Variants in AGPS observed in about 807,000 individuals in gnomAD.
The protein encoded by AGPS is alkylglycerone phosphate synthase.
Under a neutral mutation model 90.7 loss-of-function variants are expected in AGPS, and 26 were observed. That is an observed-to-expected ratio of 0.29 (90% CI 0.21 to 0.40). The LOEUF is 0.40. AGPS is among the 10% of genes least tolerant of loss of function. The pLI, the probability that AGPS is intolerant of heterozygous loss-of-function variation, is 1.00. For synonymous variants in AGPS, 294 were observed against 285.3 expected (o/e 1.03, Z -0.31); for missense variants, 540 against 816.1 (o/e 0.66, Z 4.12).
chr2:177,431,368 G>C (rs578140362), intron 2 of AGPS, among the ~76,000 whole-genome samples: 3 of 152,198 alleles, frequency 2.0e-5, no homozygotes, highest in Admixed American at 2.0e-4. Flanking sequence ...AATGACTGAT[G>C]AGGGTCTGTG....
chr2:177,533,098 A>C (rs915321058), intron 19 of AGPS, among the ~76,000 whole-genome samples: 1 of 152,168 alleles, frequency 6.6e-6, no homozygotes, highest in Non-Finnish European at 1.5e-5. Flanking sequence ...CCTTTCCAAC[A>C]CTGAATCTTT....
chr2:177,468,494 G>A lies in AGPS; in HGVS notation c.1075G>A (p.Asp359Asn). The change falls in exon 10 of 20, where the codon GAT (aspartate) becomes AAT (asparagine). Residue 359 changes from aspartate to asparagine, a missense_variant. This residue lies in a region of AGPS where 405 missense variants were observed against 692.1 expected (regional missense o/e 0.59). Coordinates refer to ENST00000264167, the MANE Select transcript of AGPS (RefSeq NM_003659.4). ...CQGPRMSTGPDIHHFIMGSEG... is the reference protein window; with the variant it reads ...CQGPRMSTGPNIHHFIMGSEG... ...AGGACCTCGTATGTCAACAGGCCCT[G>A]ATATCCATCACTTCATCATGGGATC... 6.2e-7 allele frequency: 1 copy of A among 1,612,240 alleles called. No individual in the cohort carries two copies. The highest frequency in any genetic ancestry group is 8.5e-7 in the Non-Finnish European group (1 of 1,178,810).
chr2:177,433,429 A>G (rs1277288108), intron 2 of AGPS, among the ~76,000 whole-genome samples: 1 of 152,132 alleles, frequency 6.6e-6, no homozygotes, highest in Non-Finnish European at 1.5e-5. Context: ...TTTTTCTAAT[A>G]TTCACCAGGA....
rs548373843 is a variant in AGPS at position 177,512,193 on chromosome 2, T to G, written c.1608-1626T>G. Among the ~76,000 whole-genome samples, 5 of 152,062 alleles carry G rather than the reference T, an allele frequency of 3.3e-5. No homozygotes were observed. The South Asian group carries it at 1.0e-3, about 31-fold the overall frequency. On this transcript the variant is annotated intron_variant, in intron 16 of 19. Coordinates refer to ENST00000264167, the MANE Select transcript of AGPS (RefSeq NM_003659.4). ...TAGATTTTATTTATATTTAAATATTTGTTTTATAAGGTATATATTCAAAAT... is the reference window on the plus strand; with the variant it reads ...TAGATTTTATTTATATTTAAATATTGGTTTTATAAGGTATATATTCAAAAT...
chr2:177,456,476 G>A (rs1374378021), intron 8 of AGPS, among the ~76,000 whole-genome samples: 1 of 152,006 alleles, frequency 6.6e-6, no homozygotes, highest in African/African-American at 2.4e-5. Context: ...AAACTTTTTG[G>A]CAAGAAAAAA....
At chr2:177,529,622 G>A (rs1353376852) in intron 19 of AGPS, among the ~76,000 whole-genome samples, 1 of 152,218 alleles carries the variant, frequency 6.6e-6, no homozygotes, top group Non-Finnish European at 1.5e-5. Flanking sequence ...CATATTAGCA[G>A]AGTGAGTTAG....
chr2:177,503,200 G>A (rs1688611041), intron 14 of AGPS, among the ~76,000 whole-genome samples: 1 of 152,060 alleles, frequency 6.6e-6, no homozygotes, highest in East Asian at 1.9e-4. Flanking sequence ...ACAGAACATA[G>A]TAGCCACATA....
rs146226744 is a variant in AGPS at position 177,444,967 on chromosome 2, T to A, written c.790-579T>A. Among the ~76,000 whole-genome samples the A allele has an allele frequency of 3.0e-3, 463 of 152,316 alleles. 2 individuals carry two copies. Among genetic ancestry groups the A allele is most frequent in the African/African-American group, 0.011 (440 of 41,558 alleles). On this transcript the variant is annotated intron_variant, in intron 7 of 19. Coordinates refer to ENST00000264167, the MANE Select transcript of AGPS (RefSeq NM_003659.4). Reference sequence around the variant, plus strand: ...GAGCCCGAGGCAGGGATTTGCTTTGTTTTGTACATGGGGTCTCTGGCCCTG... The same window carrying A: ...GAGCCCGAGGCAGGGATTTGCTTTGATTTGTACATGGGGTCTCTGGCCCTG...
At position 177,482,040 on chromosome 2, in the gene AGPS, T is replaced by TC. The variant is rs1559066333; in HGVS notation, c.1106-14dup. 4 of 1,587,442 alleles carry TC rather than the reference T, an allele frequency of 2.5e-6. No individual in the cohort carries two copies. Among genetic ancestry groups the TC allele is most frequent in the East Asian group, 4.6e-5 (2 of 43,278 alleles). On this transcript the variant is annotated intron_variant, in intron 10 of 19. Coordinates refer to ENST00000264167, the MANE Select transcript of AGPS (RefSeq NM_003659.4). ...ATTGTCATGTGATGTACTGGATTAT[T>TC]CCCCCTTCTTTTTTTCAGGAACTCT... is the stretch of plus-strand genomic sequence containing the variant.
At chr2:177,399,232 C>T (rs1041886391) in intron 1 of AGPS, among the ~76,000 whole-genome samples, 1 of 152,154 alleles carries the variant, frequency 6.6e-6, no homozygotes, top group Non-Finnish European at 1.5e-5. Context: ...AATATTACTC[C>T]GTTTGATTTT....
chr2:177,523,694 A>G, intron 18 of AGPS, 54 bp from the exon 19 acceptor site: 1 of 1,511,822 alleles, frequency 6.6e-7, no homozygotes, highest in Non-Finnish European at 9.2e-7. Context: ...TTTTTCTTTC[A>G]CTGCAAAATG....
chr2:177,474,361 A>C (rs2105683743), intron 10 of AGPS, among the ~76,000 whole-genome samples: 1 of 152,348 alleles, frequency 6.6e-6, no homozygotes, highest in Admixed American at 6.5e-5. Flanking sequence ...GGAAGTTATT[A>C]AAAGAAAGCT....
At chr2:177,471,499 G>A (rs1281135353) in intron 10 of AGPS, among the ~76,000 whole-genome samples, 1 of 152,002 alleles carries the variant, frequency 6.6e-6, no homozygotes, top group Admixed American at 6.6e-5. Flanking sequence ...TCAAGCATTT[G>A]AAATGCTTTC....
intron 8 of AGPS, among the ~76,000 whole-genome samples, chr2:177,461,343 G>A (rs368984101): frequency 2.0e-5 from 3 of 152,206 alleles, no homozygotes; most frequent in African/African-American, 7.2e-5. Flanking sequence ...AATAAATGAC[G>A]TTATTACATG....
intron 10 of AGPS, among the ~76,000 whole-genome samples, chr2:177,479,470 A>G (rs1687880468): frequency 6.6e-6 from 1 of 152,232 alleles, no homozygotes; most frequent in Non-Finnish European, 1.5e-5. Context: ...AAAATTGTAC[A>G]TGTATGTTAA....
At chr2:177,398,555 A>G (rs1417965498) in intron 1 of AGPS, among the ~76,000 whole-genome samples, 3 of 152,198 alleles carry the variant, frequency 2.0e-5, no homozygotes, top group Non-Finnish European at 4.4e-5. Context: ...TCTATGCTGG[A>G]TTACCACATC....
intron 14 of AGPS, among the ~76,000 whole-genome samples, chr2:177,500,563 C>A (rs1688534193): frequency 6.6e-6 from 1 of 151,468 alleles, no homozygotes; most frequent in South Asian, 2.1e-4. Context: ...TATTTTTTTT[C>A]ATATCTAATA....
intron 17 of AGPS, among the ~76,000 whole-genome samples, chr2:177,515,546 G>A (rs1016501315): frequency 4.7e-5 from 7 of 148,674 alleles, no homozygotes; most frequent in Non-Finnish European, 8.9e-5. Context: ...TGAAACTATC[G>A]TGATAAACCA....
chr2:177,506,034 C>T (rs1454553200), intron 15 of AGPS, among the ~76,000 whole-genome samples: 1 of 151,832 alleles, frequency 6.6e-6, no homozygotes, highest in African/African-American at 2.4e-5. Flanking sequence ...TACTTGAACA[C>T]TCAAATGTTT....
Sources: allele counts gnomAD v4.1 joint callset (sites outside exome capture counted in the v4.1 genomes callset), GRCh38; gene constraint gnomAD v4.1.1; regional missense constraint gnomAD v4.1.1; transcripts MANE v1.5; gene names NCBI Gene and HGNC (gene_info 2026-07-23, HGNC 2026-07-21).